The following AGBL1 variants were observed in gnomAD, a reference collection of about 807,000 sequenced individuals.
AGBL1 encodes cytosolic carboxypeptidase 4.
AGBL1 carries 130 observed loss-of-function variants against 118.9 expected under a neutral mutation model. That is an observed-to-expected ratio of 1.09 (90% confidence interval 0.95 to 1.26). The LOEUF (loss-of-function observed/expected upper bound fraction) is 1.26. Among genes scored for constraint, AGBL1 ranks in the 50% most tolerant of loss-of-function variants. The probability of loss-of-function intolerance (pLI) is 0.00; values close to 1 mark genes in which losing one functional copy is unlikely to be tolerated. For missense variants in AGBL1, 1,584 were observed against 1,298.1 expected (o/e 1.22, Z -3.38); for synonymous variants, 555 against 478.9 (o/e 1.16, Z -2.08).
intron 22 of AGBL1, among the ~76,000 whole-genome samples, chr15:86,738,552 C>T (rs1233247076): frequency 6.6e-6 from 1 of 152,134 alleles, no homozygotes; most frequent in Non-Finnish European, 1.5e-5. Context: ...GATTTACATA[C>T]AAAGGTCCCA....
intron 17 of AGBL1, among the ~76,000 whole-genome samples, chr15:86,340,059 A>G (rs1372792486): frequency 6.6e-6 from 1 of 151,720 alleles, no homozygotes; most frequent in Non-Finnish European, 1.5e-5. Flanking sequence ...AAGCATTTTT[A>G]TGATAACTGC....
chr15:86,629,461 A>G (rs2084933507), intron 21 of AGBL1, among the ~76,000 whole-genome samples: 1 of 152,176 alleles, frequency 6.6e-6, no homozygotes. Flanking sequence ...CGAAGCCTAA[A>G]GGCAAGCTTT....
chr15:86,722,756 C>T (rs1004782944), intron 22 of AGBL1, among the ~76,000 whole-genome samples: 7 of 152,038 alleles, frequency 4.6e-5, no homozygotes, highest in South Asian at 2.1e-4. Flanking sequence ...GCAATCTACT[C>T]ATCTGACAAA....
chr15:86,683,223 A>C (rs1219178117), intron 22 of AGBL1, among the ~76,000 whole-genome samples: 1 of 150,702 alleles, frequency 6.6e-6, no homozygotes, highest in East Asian at 2.0e-4. Context: ...TATTGGGTAC[A>C]TGTATATCTG....
chr15:86,231,394 G>C (rs2078452799), intron 6 of AGBL1, among the ~76,000 whole-genome samples: 1 of 152,214 alleles, frequency 6.6e-6, no homozygotes, highest in Admixed American at 6.5e-5. Context: ...TGATTATAGA[G>C]CTGATGTCTC....
chr15:86,957,417 A>G (rs536716346), intron 23 of AGBL1, among the ~76,000 whole-genome samples: 154 of 152,232 alleles, frequency 1.0e-3, no homozygotes, highest in African/African-American at 3.6e-3. Flanking sequence ...TTTCTCAGAT[A>G]GAGGTATGTC....
chr15:86,975,336 G>T (rs72757465), intron 23 of AGBL1, among the ~76,000 whole-genome samples: 6,080 of 152,022 alleles, frequency 0.04, 152 homozygotes, highest in Middle Eastern at 0.068. Context: ...CATGTGCAGG[G>T]AAATTCCCCT....
intron 18 of AGBL1, among the ~76,000 whole-genome samples, chr15:86,450,352 G>A (rs1476942545): frequency 2.0e-5 from 3 of 152,156 alleles, no homozygotes; most frequent in Admixed American, 6.6e-5. Context: ...GTATGAAGTT[G>A]GGACATACAT....
intron 23 of AGBL1, among the ~76,000 whole-genome samples, chr15:86,951,770 G>C (rs1418358081): frequency 1.3e-5 from 2 of 152,008 alleles, no homozygotes; most frequent in African/African-American, 2.4e-5. Flanking sequence ...TTTATTTATT[G>C]CTTTTCATAA....
intron 3 of AGBL1, among the ~76,000 whole-genome samples, chr15:86,153,095 C>A (rs1447851481): frequency 6.6e-6 from 1 of 152,184 alleles, no homozygotes; most frequent in Non-Finnish European, 1.5e-5. Flanking sequence ...TTGTGGAAGA[C>A]AGTGTGGTGA....
intron 21 of AGBL1, among the ~76,000 whole-genome samples, chr15:86,629,451 C>T (rs77243456): frequency 0.023 from 3,424 of 152,084 alleles, 57 homozygotes; most frequent in Non-Finnish European, 0.035. Context: ...ACAGGACATA[C>T]GAAGCCTAAA....
At position 86,711,536 on chromosome 15, in the gene AGBL1, T is replaced by C. The variant is rs112018314; in HGVS notation, c.3158+37100T>C. On this transcript the variant is annotated intron_variant, in intron 22 of 22. Transcript: ENST00000614907. ...GGTAAGTCTTACAAGAATATGAATT[T>C]TCCAAGAACTGCTAGCCCTTACAGT... Among the ~76,000 whole-genome samples the C allele has an allele frequency of 4.3e-4, 65 of 152,312 alleles. 3 individuals carry two copies. Among genetic ancestry groups the C allele is most frequent in the African/African-American group, 1.5e-3 (63 of 41,570 alleles).
intron 21 of AGBL1, among the ~76,000 whole-genome samples, chr15:86,570,481 T>C (rs1403424295): frequency 6.6e-6 from 1 of 152,224 alleles, no homozygotes; most frequent in African/African-American, 2.4e-5. Context: ...AGAATATTCA[T>C]AAAGATTCCT....
At chr15:86,560,514 C>T (rs2083801891) in intron 21 of AGBL1, among the ~76,000 whole-genome samples, 1 of 152,106 alleles carries the variant, frequency 6.6e-6, no homozygotes, top group South Asian at 2.1e-4. Context: ...GTATATGTGC[C>T]ACATTTTCTT....
Position 86,380,352 on chromosome 15 carries a change from T to C in AGBL1, c.2375-17014T>C, listed in dbSNP as rs149001389. ...CAGGCTGGAGGACAGTGGTGCAATCTCGGCTCACTGCAACCTCTGCCTCCC... is the reference window on the plus strand; with the variant it reads ...CAGGCTGGAGGACAGTGGTGCAATCCCGGCTCACTGCAACCTCTGCCTCCC... On this transcript the variant is annotated intron_variant, in intron 17 of 22. Coordinates refer to ENST00000614907, the MANE Select transcript of AGBL1 (RefSeq NM_001386094.1). Among the ~76,000 whole-genome samples, 1,233 of 149,086 alleles carry C rather than the reference T, an allele frequency of 8.3e-3. 23 individuals carry two copies. The highest frequency in any genetic ancestry group is 0.029 in the African/African-American group (1,172 of 40,316).
At chr15:87,014,903 T>C (rs906689120) in intron 24 of AGBL1, among the ~76,000 whole-genome samples, 5 of 152,160 alleles carry the variant, frequency 3.3e-5, no homozygotes, top group African/African-American at 1.2e-4. Flanking sequence ...GCTGCCTAGA[T>C]GGCTGGTGAA....
At chr15:86,924,327 G>C (rs761861831) in intron 23 of AGBL1, among the ~76,000 whole-genome samples, 1 of 152,242 alleles carries the variant, frequency 6.6e-6, no homozygotes, top group Non-Finnish European at 1.5e-5. Flanking sequence ...ATCCCATTTA[G>C]GGTAGAAAGG....
At chr15:86,244,293 A>G (rs897037102) in intron 6 of AGBL1, among the ~76,000 whole-genome samples, 4 of 152,054 alleles carry the variant, frequency 2.6e-5, no homozygotes, top group Non-Finnish European at 5.9e-5. Flanking sequence ...TCAAAAATGC[A>G]CCTCATCTCT....
Position 86,279,727 on chromosome 15 carries a change from A to G in AGBL1, c.2164A>G (p.Ser722Gly). ...CACCTTTGCTGTCACCTTCCCACAC[A>G]GTGAGGATGTCTGCTACCTGGCCTA... Reference protein sequence around the residue: ...TLTFAVTFPHSEDVCYLAYHY... With the variant: ...TLTFAVTFPHGEDVCYLAYHY... The change falls in exon 16 of 23, where the codon AGT becomes GGT. Residue 722 changes from serine (S) to glycine (G), a missense_variant. Physicochemically the swap from Ser to Gly is moderately conservative, Grantham distance 56. Coordinates refer to ENST00000614907, the MANE Select transcript of AGBL1 (RefSeq NM_001386094.1). 2 of 1,613,742 alleles carry G rather than the reference A, an allele frequency of 1.2e-6. No homozygotes were observed. The highest frequency in any genetic ancestry group is 2.2e-5 in the South Asian group (2 of 91,074).
Sources: gnomAD v4.1 joint callset for allele counts (sites outside exome capture counted in the v4.1 genomes callset) on GRCh38, gnomAD v4.1.1 for gene constraint, MANE v1.5 for transcripts, NCBI Gene and HGNC (gene_info 2026-07-23, HGNC 2026-07-21) for gene names.